OTUD7A: variants seen among roughly 807,000 people sequenced by gnomAD.
OTUD7A encodes the protein OTU domain-containing protein 7A.
OTUD7A carries 12 observed loss-of-function variants against 65.7 expected under a neutral mutation model. The observed-to-expected ratio is 0.18, with a 90% CI of 0.12 to 0.30. The LOEUF (loss-of-function observed/expected upper bound fraction) is 0.30, where lower values mean the gene tolerates loss of function less well. OTUD7A is among the 10% of genes least tolerant of loss of function. OTUD7A has a pLI of 1.00. For missense variants in OTUD7A, 1,148 were observed against 1,304.8 expected, an observed-to-expected ratio of 0.88 and a Z score of 1.85; for synonymous variants, 641 against 586.3, an observed-to-expected ratio of 1.09 and a Z score of -1.35.
chr15:31,662,000 CCTCT>C (rs775970517), intron 1 of OTUD7A, among the ~76,000 whole-genome samples: 2 of 152,094 alleles, frequency 1.3e-5, no homozygotes, highest in Non-Finnish European at 2.9e-5. Flanking sequence ...GCTCCTCTGT[CCTCT>C]CTATTTCATG....
intron 1 of OTUD7A, among the ~76,000 whole-genome samples, chr15:31,867,613 C>A (rs936461654): frequency 6.6e-6 from 1 of 152,180 alleles, no homozygotes; most frequent in Non-Finnish European, 1.5e-5. Context: ...AGAGGATTTC[C>A]ACGGGGTTGC....
chr15:31,821,303 C>CT (rs57817074), intron 1 of OTUD7A, among the ~76,000 whole-genome samples: 3,148 of 113,164 alleles, frequency 0.028, 159 homozygotes, highest in African/African-American at 0.095. Flanking sequence ...GCCCAGGTAC[C>CT]TTTTTTTTTT....
In OTUD7A at chr15:31,723,983, A is replaced by G. The variant is rs569744362; in HGVS notation, c.-99-66906T>C. On this transcript the variant is annotated intron_variant, in intron 1 of 12. Coordinates refer to ENST00000307050, the MANE Select transcript of OTUD7A (RefSeq NM_001382637.1). ...GCCAACATAGTAAGTAAAACGTGGT[A>G]CCTCAGAGTTTTGTTGTTGTTGTTA... is the stretch of plus-strand genomic sequence containing the variant. 4.6e-5 allele frequency among the ~76,000 whole-genome samples: 6 copies of G among 131,814 alleles called. No individual in the cohort carries two copies. In the South Asian group the frequency reaches 1.8e-3, roughly 38 times the overall value. 86.5% of individuals were successfully genotyped at this position (131,814 alleles called of 152,430 possible).
At chr15:31,631,792 T>C (rs1187381667) in intron 3 of OTUD7A, among the ~76,000 whole-genome samples, 1 of 152,190 alleles carries the variant, frequency 6.6e-6, no homozygotes, top group Non-Finnish European at 1.5e-5. Context: ...TCATTTCTTT[T>C]TATTCTTTTT....
At chr15:31,800,990 C>A (rs1315715976) in intron 1 of OTUD7A, among the ~76,000 whole-genome samples, 1 of 141,854 alleles carries the variant, frequency 7.0e-6, no homozygotes, top group East Asian at 2.0e-4. Context: ...ACAAACAAAG[C>A]AGGAAACAAC....
rs1337158495 is a variant in OTUD7A, at chr15:31,476,217, CT to C, written c.*7076del. On this transcript the variant is annotated 3_prime_UTR_variant, in exon 13 of 13. Coordinates refer to ENST00000307050, the MANE Select transcript of OTUD7A (RefSeq NM_001382637.1). The stretch of plus-strand genomic sequence containing the variant: ...AAGACAAGCTCCTACTGAACGGTGA[CT>C]GGCTCTGTCAGAGGTGGGGCTTGCC... 3 of 152,272 alleles carry C rather than the reference CT, an allele frequency of 2.0e-5. No individual in the cohort carries two copies. The highest frequency in any genetic ancestry group is 2.9e-5 in the Non-Finnish European group (2 of 68,070). 9.4% of individuals were successfully genotyped at this position (152,272 alleles called of 1,614,324 possible).
intron 1 of OTUD7A, among the ~76,000 whole-genome samples, chr15:31,787,905 T>A (rs1200799898): frequency 6.6e-6 from 1 of 152,206 alleles, no homozygotes; most frequent in Non-Finnish European, 1.5e-5. Context: ...CCTCCAGTAA[T>A]GGTCCAAGCT....
chr15:31,678,249 T>G (rs71476559), intron 1 of OTUD7A, among the ~76,000 whole-genome samples: 42 of 152,322 alleles, frequency 2.8e-4, no homozygotes, highest in Non-Finnish European at 5.1e-4. Context: ...TTGGAACTTA[T>G]GTTTAAAAGG....
intron 1 of OTUD7A, among the ~76,000 whole-genome samples, chr15:31,816,854 G>A (rs550654682): frequency 4.6e-5 from 7 of 152,144 alleles, no homozygotes; most frequent in East Asian, 1.9e-4. Context: ...TCATGCCTGC[G>A]TGTCCCATGG....
At chr15:31,841,520 T>C (rs1236703684) in intron 1 of OTUD7A, among the ~76,000 whole-genome samples, 1 of 151,710 alleles carries the variant, frequency 6.6e-6, no homozygotes, top group South Asian at 2.1e-4. Flanking sequence ...ACCGAGTCAG[T>C]GTATCAGGGA....
chr15:31,836,399 G>A (rs1170078917), intron 1 of OTUD7A, among the ~76,000 whole-genome samples: 1 of 152,076 alleles, frequency 6.6e-6, no homozygotes, highest in Non-Finnish European at 1.5e-5. Flanking sequence ...CACTTTTCAT[G>A]AACTTATATC....
intron 1 of OTUD7A, among the ~76,000 whole-genome samples, chr15:31,684,311 C>T (rs1892787108): frequency 6.6e-6 from 1 of 152,120 alleles, no homozygotes; most frequent in Admixed American, 6.5e-5. Context: ...AGATGAAACA[C>T]AGCTCTGCTG....
Position 31,720,432 on chromosome 15 carries a change from C to T in OTUD7A, c.-99-63355G>A, listed in dbSNP as rs1192138327. ...TTTTTTTTTTTTTGAGACGGAGTCT[C>T]GCTGTCGCCCAGGCTGGAGTGCGGT... On this transcript the variant is annotated intron_variant, in intron 1 of 12. Coordinates refer to ENST00000307050, the MANE Select transcript of OTUD7A (RefSeq NM_001382637.1). Among the ~76,000 whole-genome samples, 5 of 148,086 alleles carry T rather than the reference C, an allele frequency of 3.4e-5. No homozygotes were observed. The East Asian group carries it at 8.1e-4, about 24-fold the overall frequency.
intron 4 of OTUD7A, among the ~76,000 whole-genome samples, chr15:31,561,712 G>A (rs1237087635): frequency 3.3e-5 from 5 of 151,918 alleles, no homozygotes; most frequent in Non-Finnish European, 7.4e-5. Context: ...AGAAATATAT[G>A]CTCCTAATTC....
chr15:31,549,543 C>T (rs1888250648), intron 5 of OTUD7A, among the ~76,000 whole-genome samples: 1 of 152,138 alleles, frequency 6.6e-6, no homozygotes, highest in South Asian at 2.1e-4. Context: ...TATTCACTGA[C>T]TCTGAGTTGA....
At chr15:31,801,499 C>T (rs1017420604) in intron 1 of OTUD7A, among the ~76,000 whole-genome samples, 10 of 152,212 alleles carry the variant, frequency 6.6e-5, no homozygotes, top group African/African-American at 2.4e-4. Flanking sequence ...AGGCCAGCAG[C>T]GGGCACATCA....
At chr15:31,678,058 C>G (rs1021647479) in intron 1 of OTUD7A, among the ~76,000 whole-genome samples, 4 of 152,190 alleles carry the variant, frequency 2.6e-5, no homozygotes, top group African/African-American at 9.7e-5. Context: ...CCTTTTTATG[C>G]TTTAGCAAAG....
chr15:31,793,083 A>C (rs1042823846), intron 1 of OTUD7A, among the ~76,000 whole-genome samples: 2 of 152,152 alleles, frequency 1.3e-5, no homozygotes, highest in Non-Finnish European at 2.9e-5. Flanking sequence ...CACTGCACAC[A>C]CAGCACTCAG....
intron 10 of OTUD7A, among the ~76,000 whole-genome samples, chr15:31,493,680 T>A (rs1252888942): frequency 6.6e-6 from 1 of 152,232 alleles, no homozygotes; most frequent in Non-Finnish European, 1.5e-5. Flanking sequence ...ATGTCATAAC[T>A]GAAACTATAA....
Sources: allele counts gnomAD v4.1 joint callset (sites outside exome capture counted in the v4.1 genomes callset), GRCh38; gene constraint gnomAD v4.1.1; transcripts MANE v1.5; gene names NCBI Gene and HGNC (gene_info 2026-07-23, HGNC 2026-07-21).